The following ANKRD28 variants were observed in gnomAD, a reference collection of about 807,000 sequenced individuals.
ANKRD28 encodes the protein serine/threonine-protein phosphatase 6 regulatory ankyrin repeat subunit A.
Under a neutral mutation model 126.5 loss-of-function variants are expected in ANKRD28, and 44 were observed. The observed-to-expected ratio is 0.35, with a 90% CI of 0.27 to 0.45. ANKRD28 has a LOEUF of 0.45. Among genes scored for constraint, ANKRD28 ranks in the 20% least tolerant of loss-of-function variants. The pLI is 1.00. For missense variants in ANKRD28, 1,110 were observed against 1,316.6 expected, an observed-to-expected ratio of 0.84 and a Z score of 2.43; for synonymous variants, 442 against 468.5, an observed-to-expected ratio of 0.94 and a Z score of 0.73.
upstream of ANKRD28, among the ~76,000 whole-genome samples, chr3:15,800,916 C>T (rs1015665063): frequency 3.9e-5 from 6 of 152,090 alleles, no homozygotes; most frequent in Non-Finnish European, 8.8e-5. Context: ...TTGAATAAGA[C>T]AGGCTCCTAC....
chr3:15,810,525 T>G (rs1648512968), intron 1 of ANKRD28, among the ~76,000 whole-genome samples: 1 of 146,702 alleles, frequency 6.8e-6, no homozygotes, highest in Non-Finnish European at 1.5e-5. Context: ...AATAAAATCT[T>G]TAAAGAATTT....
intron 2 of ANKRD28, among the ~76,000 whole-genome samples, chr3:15,771,335 G>C (rs974874023): frequency 2.6e-5 from 4 of 151,810 alleles, no homozygotes; most frequent in South Asian, 4.2e-4. Context: ...GCTTGAACCT[G>C]GGAGGTGGAG....
At chr3:15,777,582 G>A (rs2059339401) in intron 2 of ANKRD28, among the ~76,000 whole-genome samples, 1 of 152,078 alleles carries the variant, frequency 6.6e-6, no homozygotes, top group South Asian at 2.1e-4. Context: ...AGACACATGT[G>A]TTCTAAATGA....
chr3:15,762,224 A>AAAAAAAAAAAAAAAAC (rs2058521761), intron 3 of ANKRD28, among the ~76,000 whole-genome samples: 7 of 107,696 alleles, frequency 6.5e-5, no homozygotes, highest in African/African-American at 2.4e-4. Context: ...CAAAACAAAA[A>AAAAAAAAAAAAAAAAC]AAAAAAAACT....
At chr3:15,745,659 G>A (rs1373973655) in intron 4 of ANKRD28, among the ~76,000 whole-genome samples, 1 of 151,970 alleles carries the variant, frequency 6.6e-6, no homozygotes, top group Admixed American at 6.6e-5. Flanking sequence ...TCCAGATTTG[G>A]TCTTTTTGCT....
chr3:15,686,707 C>A (rs1030785894), intron 18 of ANKRD28, among the ~76,000 whole-genome samples: 2 of 152,308 alleles, frequency 1.3e-5, no homozygotes, highest in South Asian at 4.1e-4. Flanking sequence ...TTAAGGTGAG[C>A]AGCACAGGAA....
chr3:15,695,169 G>A lies in ANKRD28; in HGVS notation c.1686+19C>T. The A allele has an allele frequency of 6.3e-7, 1 of 1,584,084 alleles. No individual in the cohort carries two copies. Among genetic ancestry groups the A allele is most frequent in the Non-Finnish European group, 8.6e-7 (1 of 1,157,800 alleles). On this transcript the variant is annotated intron_variant, in intron 16 of 27. Transcript: ENST00000683139. The stretch of plus-strand genomic sequence containing the variant: ...ACTGACCAATACTAATTGGTGGGAG[G>A]GAATTGACTAATACTTACAACATCT...
chr3:15,856,881 A>G (rs531694263), intron 1 of ANKRD28, among the ~76,000 whole-genome samples: 1 of 152,238 alleles, frequency 6.6e-6, no homozygotes, highest in African/African-American at 2.4e-5. Flanking sequence ...CAAGGTGAAC[A>G]GCGAAACAGA....
At position 15,679,331 on chromosome 3, in the gene ANKRD28, C is replaced by T; in HGVS notation, c.2531G>A (p.Ser844Asn). The T allele has an allele frequency of 6.2e-7, 1 of 1,613,982 alleles. No individual in the cohort carries two copies. Among genetic ancestry groups the T allele is most frequent in the Non-Finnish European group, 8.5e-7 (1 of 1,179,884 alleles). The change falls in exon 23 of 28, where the codon AGC becomes AAC. Residue 844 changes from serine to asparagine, a missense_variant. Physicochemically the swap from Ser to Asn is conservative, Grantham distance 46. Coordinates refer to ENST00000683139, the MANE Select transcript of ANKRD28 (RefSeq NM_001349278.2). ...AEMLIDTLGA[S>N]IVNATDSKGR... is the part of the protein sequence containing the mutation. The stretch of plus-strand genomic sequence containing the variant: ...TTTTGAATCTGTGGCGTTCACAATG[C>T]TGGCACCTAATGTATCAATTAACAT...
rs182821122 is a variant in ANKRD28 at position 15,714,660 on chromosome 3, G to T, written c.997-4C>A. ...GTGGGGTTTTCCCATCTTTACTCTGGGGGGGGAAGAAAAAAATTACTCACT... is the reference window on the plus strand; with the variant it reads ...GTGGGGTTTTCCCATCTTTACTCTGTGGGGGGAAGAAAAAAATTACTCACT... On this transcript the variant is annotated splice_region_variant and splice_polypyrimidine_tract_variant and intron_variant, in intron 8 of 27. Coordinates refer to ENST00000683139, the MANE Select transcript of ANKRD28 (RefSeq NM_001349278.2). The T allele has an allele frequency of 6.3e-6, 10 of 1,576,886 alleles. No individual in the cohort carries two copies. The highest frequency in any genetic ancestry group is 2.3e-5 in the East Asian group (1 of 44,114).
intron 1 of ANKRD28, among the ~76,000 whole-genome samples, chr3:15,823,285 C>T (rs886787915): frequency 3.3e-5 from 5 of 152,212 alleles, no homozygotes; most frequent in African/African-American, 1.2e-4. Context: ...AGAGCTCAGG[C>T]AGTAATGCTC....
intron 3 of ANKRD28, chr3:15,756,388 T>C: frequency 1.7e-6 from 1 of 588,092 alleles, no homozygotes; most frequent in Non-Finnish European, 2.1e-6. Context: ...ACAATAGTTT[T>C]GTAAAAGAAA....
At chr3:15,776,945 G>A (rs2059295008) in intron 2 of ANKRD28, among the ~76,000 whole-genome samples, 1 of 152,090 alleles carries the variant, frequency 6.6e-6, no homozygotes, top group South Asian at 2.1e-4. Flanking sequence ...GTTGGTTTAG[G>A]AAGTTTTGTT....
intron 3 of ANKRD28, among the ~76,000 whole-genome samples, chr3:15,755,992 A>G (rs2058133194): frequency 6.6e-6 from 1 of 152,228 alleles, no homozygotes; most frequent in African/African-American, 2.4e-5. Context: ...ATAAACCAAT[A>G]TTTACAGAAA....
chr3:15,690,923 T>C (rs114166623), intron 17 of ANKRD28, among the ~76,000 whole-genome samples: 108 of 152,284 alleles, frequency 7.1e-4, no homozygotes, highest in African/African-American at 2.5e-3. Flanking sequence ...CAAAGACAGC[T>C]AGCAACTTGA....
chr3:15,740,815 A>G (rs1438286687), intron 4 of ANKRD28, among the ~76,000 whole-genome samples: 1 of 152,144 alleles, frequency 6.6e-6, no homozygotes, highest in African/African-American at 2.4e-5. Flanking sequence ...GCACCTAAAT[A>G]AGACAATAAA....
intron 1 of ANKRD28, among the ~76,000 whole-genome samples, chr3:15,805,890 T>A (rs1467936285): frequency 6.6e-6 from 1 of 152,180 alleles, no homozygotes; most frequent in African/African-American, 2.4e-5. Context: ...TGTACATTCG[T>A]TATTTCACAA....
At chr3:15,775,439 C>T (rs2059216923) in intron 2 of ANKRD28, among the ~76,000 whole-genome samples, 1 of 152,168 alleles carries the variant, frequency 6.6e-6, no homozygotes, top group African/African-American at 2.4e-5. Context: ...AATCCTGACA[C>T]TATCTACCTG....
chr3:15,685,347 A>C lies in ANKRD28; in HGVS notation c.2268T>G (p.Ser756=). The C allele has an allele frequency of 1.2e-6, 2 of 1,614,038 alleles. No homozygotes were observed. Among genetic ancestry groups the C allele is most frequent in the Non-Finnish European group, 1.7e-6 (2 of 1,179,878 alleles). ...DSRGRTPIHL[S]AACGHIGVLG... The stretch of plus-strand genomic sequence containing the variant: ...GAACACCAATGTGTCCACAGGCAGC[A>C]GACAGGTGTATAGGCGTCCGGCCCC... The change falls in exon 21 of 28, where the codon TCT becomes TCG. Residue 756 remains serine, a synonymous_variant. Transcript: ENST00000683139.
Sources: allele counts gnomAD v4.1 joint callset (sites outside exome capture counted in the v4.1 genomes callset), GRCh38; gene constraint gnomAD v4.1.1; transcripts MANE v1.5; gene names NCBI Gene and HGNC (gene_info 2026-07-23, HGNC 2026-07-21).